The following DGKB variants were observed in gnomAD, a reference collection of about 807,000 sequenced individuals.
The protein encoded by DGKB is diacylglycerol kinase beta, also known as 90 kDa diacylglycerol kinase.
Under a neutral mutation model 114.3 loss-of-function variants are expected in DGKB, and 67 were observed. The observed-to-expected ratio is 0.59, with a 90% confidence interval of 0.48 to 0.72. DGKB has a LOEUF of 0.72. Among genes scored for constraint, DGKB ranks in the 30% least tolerant of loss-of-function variants. DGKB has a pLI of 0.00. For missense variants in DGKB, 907 were observed against 975.2 expected (o/e 0.93, Z 0.93); for synonymous variants, 398 against 323.1 (o/e 1.23, Z -2.49).
At chr7:14,916,502 T>C (rs10271340) in intron 1 of DGKB, among the ~76,000 whole-genome samples, 37,956 of 151,980 alleles carry the variant, frequency 0.25, 7,755 homozygotes, top group East Asian at 0.81. Context: ...TTAACTGTAT[T>C]AATTTCAGAC....
At chr7:14,248,686 T>A (rs1794807284) in intron 23 of DGKB, among the ~76,000 whole-genome samples, 1 of 152,106 alleles carries the variant, frequency 6.6e-6, no homozygotes, top group African/African-American at 2.4e-5. Flanking sequence ...AACTTTTGTG[T>A]GTTCATTATG....
intron 23 of DGKB, among the ~76,000 whole-genome samples, chr7:14,287,438 A>AGTTG (rs1247480082): frequency 6.6e-6 from 1 of 152,032 alleles, no homozygotes; most frequent in Non-Finnish European, 1.5e-5. Flanking sequence ...GGAATTTCTA[A>AGTTG]GTTGTTCTAA....
chr7:14,661,876 T>TA (rs1444914387), intron 13 of DGKB, among the ~76,000 whole-genome samples: 4 of 152,082 alleles, frequency 2.6e-5, no homozygotes, highest in Non-Finnish European at 4.4e-5. Context: ...TATGCAGCCA[T>TA]AAAAAATGAT....
chr7:14,521,518 C>T (rs1205570871), intron 20 of DGKB, among the ~76,000 whole-genome samples: 2 of 152,076 alleles, frequency 1.3e-5, no homozygotes, highest in Non-Finnish European at 2.9e-5. Flanking sequence ...TTTTCTGACA[C>T]CGCAGACCTG....
At chr7:14,651,373 T>C (rs2128899161) in intron 13 of DGKB, among the ~76,000 whole-genome samples, 1 of 150,242 alleles carries the variant, frequency 6.7e-6, no homozygotes, top group East Asian at 1.9e-4. Context: ...TAATCCAGCA[T>C]ATAAACAGAG....
chr7:14,273,951 T>C (rs1798626160), intron 23 of DGKB, among the ~76,000 whole-genome samples: 1 of 152,250 alleles, frequency 6.6e-6, no homozygotes, highest in Non-Finnish European at 1.5e-5. Context: ...CTTCAGGAAT[T>C]ACTCTTTTGA....
intron 5 of DGKB, among the ~76,000 whole-genome samples, chr7:14,724,552 C>T (rs149121284): frequency 0.011 from 1,746 of 152,134 alleles, 136 homozygotes; most frequent in Admixed American, 0.11. Flanking sequence ...TGGCAAAAAC[C>T]CCAAACAAGC....
intron 23 of DGKB, among the ~76,000 whole-genome samples, chr7:14,321,964 G>A (rs1006475150): frequency 6.6e-6 from 1 of 152,158 alleles, no homozygotes; most frequent in African/African-American, 2.4e-5. Flanking sequence ...ACTGATCAAT[G>A]TAATTTTATT....
intron 2 of DGKB, among the ~76,000 whole-genome samples, chr7:14,831,639 A>G (rs1233258559): frequency 6.6e-6 from 1 of 152,030 alleles, no homozygotes; most frequent in African/African-American, 2.4e-5. Context: ...GTTTGCTATG[A>G]CATAATTAAT....
chr7:14,909,929 GGGCACAGT>G (rs1485530825), intron 1 of DGKB, among the ~76,000 whole-genome samples: 1 of 152,066 alleles, frequency 6.6e-6, no homozygotes, highest in East Asian at 1.9e-4. Flanking sequence ...TGTATTAGCT[GGGCACAGT>G]GGTTCACACC....
chr7:14,220,265 A>G (rs968355761), intron 23 of DGKB, among the ~76,000 whole-genome samples: 2 of 151,666 alleles, frequency 1.3e-5, no homozygotes, highest in Admixed American at 6.6e-5. Flanking sequence ...TATGCAGTCC[A>G]TCATTGACTA....
At chr7:14,544,319 C>G (rs892145438) in intron 20 of DGKB, among the ~76,000 whole-genome samples, 2 of 152,164 alleles carry the variant, frequency 1.3e-5, no homozygotes, top group African/African-American at 4.8e-5. Flanking sequence ...GTGAATTTCT[C>G]TGACATTTTG....
chr7:14,234,382 G>A (rs546252550), intron 23 of DGKB, among the ~76,000 whole-genome samples: 2 of 152,026 alleles, frequency 1.3e-5, no homozygotes, highest in East Asian at 3.9e-4. Flanking sequence ...TATATTTATG[G>A]TTCTTAAACT....
chr7:14,344,765 C>T (rs933093448), intron 22 of DGKB, among the ~76,000 whole-genome samples: 1 of 150,712 alleles, frequency 6.6e-6, no homozygotes, highest in Non-Finnish European at 1.5e-5. Flanking sequence ...TCTTTTCTTG[C>T]TATCTTTGCT....
intron 25 of DGKB, among the ~76,000 whole-genome samples, chr7:14,158,958 A>G (rs1783450287): frequency 6.6e-6 from 1 of 151,986 alleles, no homozygotes; most frequent in South Asian, 2.1e-4. Context: ...CCTTTTTACT[A>G]CCATGTTCTA....
intron 18 of DGKB, among the ~76,000 whole-genome samples, 153 bp downstream of exon 18, chr7:14,582,899 C>A (rs1228417611): frequency 2.0e-5 from 3 of 152,114 alleles, no homozygotes; most frequent in African/African-American, 7.2e-5. Context: ...TTTTGAACTA[C>A]AGAATAATAA....
chr7:14,722,519 A>C (rs1447582571), intron 5 of DGKB, among the ~76,000 whole-genome samples: 1 of 152,114 alleles, frequency 6.6e-6, no homozygotes, highest in Non-Finnish European at 1.5e-5. Flanking sequence ...GTGTTTAATT[A>C]ATAAAAAAGC....
Position 14,148,899 on chromosome 7 carries a change from G to A in DGKB, c.*232C>T, listed in dbSNP as rs1781771126. ...ATGGGAATGCATGCACCAAAAATAT[G>A]CAGTATCACTTCAGGTAAACTTCTG... On this transcript the variant is annotated 3_prime_UTR_variant, in exon 26 of 26. Transcript: ENST00000402815. 1 of 529,364 alleles carries A rather than the reference G, an allele frequency of 1.9e-6. No homozygotes were observed. The highest frequency in any genetic ancestry group is 2.0e-5 in the African/African-American group (1 of 50,264). The allele number at this position is 529,364 out of a possible 1,614,324, so 32.8% of individuals were successfully genotyped here.
rs555511708 is a variant in DGKB, at chr7:14,232,251, C to A, written c.2123-54100G>T. On this transcript the variant is annotated intron_variant, in intron 23 of 25. Transcript: ENST00000402815. Reference sequence around the variant, plus strand: ...TGTCTTATCTTCTCAGAGACCCCTACATACTGGCCCATTTTGTACTCAATC... The same window carrying A: ...TGTCTTATCTTCTCAGAGACCCCTAAATACTGGCCCATTTTGTACTCAATC... Among the ~76,000 whole-genome samples the A allele has an allele frequency of 3.9e-5, 6 of 152,002 alleles. No individual in the cohort carries two copies. In the South Asian group the frequency reaches 1.2e-3, roughly 31 times the overall value.
Sources: gnomAD v4.1 joint callset for allele counts (sites outside exome capture counted in the v4.1 genomes callset) on GRCh38, gnomAD v4.1.1 for gene constraint, MANE v1.5 for transcripts, NCBI Gene and HGNC (gene_info 2026-07-23, HGNC 2026-07-21) for gene names.